IL1RAPL1: variants seen among roughly 807,000 people sequenced by gnomAD.
IL1RAPL1 encodes the protein interleukin-1 receptor accessory protein-like 1.
In IL1RAPL1, 3 loss-of-function variants were observed where a neutral mutation model predicts 48.4. The ratio of observed to expected loss-of-function variants is 0.06; its 90% CI spans 0.03 to 0.16. The LOEUF (loss-of-function observed/expected upper bound fraction) is 0.16. IL1RAPL1 is among the 10% of genes least tolerant of loss of function. The pLI, the probability that IL1RAPL1 is intolerant of heterozygous loss-of-function variation, is 1.00. For synonymous variants in IL1RAPL1, 185 were observed against 187.7 expected, an observed-to-expected ratio of 0.99 and a Z score of 0.12; for missense variants, 349 against 530.6, an observed-to-expected ratio of 0.66 and a Z score of 3.36.
intron 6 of IL1RAPL1, among the ~76,000 whole-genome samples, chrX:29,703,886 C>T (rs2147116926): frequency 9.0e-6 from 1 of 111,151 alleles, no homozygotes; most frequent in South Asian, 3.7e-4. Context: ...TAATATCAGA[C>T]TTTTTAAAAA....
chrX:29,908,449 T>G (rs1320863676), intron 6 of IL1RAPL1, among the ~76,000 whole-genome samples: 1 of 109,564 alleles, frequency 9.1e-6, no homozygotes, highest in African/African-American at 3.3e-5. Flanking sequence ...CCACATTCTC[T>G]CTTGGTTTTA....
intron 6 of IL1RAPL1, among the ~76,000 whole-genome samples, chrX:29,685,559 A>G (rs1346947816): frequency 3.6e-5 from 4 of 111,697 alleles, no homozygotes; most frequent in East Asian, 5.6e-4. Flanking sequence ...AGGTGCTTTT[A>G]TTATGTAAAT....
At chrX:28,624,899 T>C (rs1415944669) in intron 1 of IL1RAPL1, among the ~76,000 whole-genome samples, 2 of 112,073 alleles carry the variant, frequency 1.8e-5, no homozygotes, top group Admixed American at 1.9e-4. Flanking sequence ...CAAAGCTTTC[T>C]TTAGGATAAT....
At chrX:29,175,940 A>G (rs1260601051) in intron 2 of IL1RAPL1, among the ~76,000 whole-genome samples, 1 of 108,293 alleles carries the variant, frequency 9.2e-6, no homozygotes, top group Non-Finnish European at 1.9e-5. Context: ...ACTGCCCAAT[A>G]TGATGCTTTT....
intron 3 of IL1RAPL1, among the ~76,000 whole-genome samples, chrX:29,300,653 C>T (rs909646093): frequency 1.8e-5 from 2 of 111,941 alleles, no homozygotes; most frequent in Non-Finnish European, 3.8e-5. Context: ...GAATAACAGC[C>T]TGTGTGTTAA....
chrX:29,723,195 C>T lies in IL1RAPL1; in HGVS notation c.778+54691C>T, dbSNP rs1485856943. ...CTATGATTTTTTAAAACAGTATTTC[C>T]TTTGATAATGAGTTATTCCTGAGAA... On this transcript the variant is annotated intron_variant, in intron 6 of 10. Transcript: ENST00000378993. Among the ~76,000 whole-genome samples, 4 of 112,086 alleles carry T rather than the reference C, an allele frequency of 3.6e-5. No homozygotes were observed. In the South Asian group the frequency reaches 1.5e-3, roughly 41 times the overall value.
At chrX:29,265,205 G>A (rs919524733) in intron 2 of IL1RAPL1, among the ~76,000 whole-genome samples, 3 of 110,539 alleles carry the variant, frequency 2.7e-5, no homozygotes, top group Non-Finnish European at 5.7e-5. Context: ...GAGCCACCAC[G>A]CCTGGCCCTG....
intron 2 of IL1RAPL1, among the ~76,000 whole-genome samples, chrX:29,107,737 A>T (rs907799260): frequency 1.8e-5 from 2 of 112,361 alleles, no homozygotes; most frequent in Non-Finnish European, 3.8e-5. Flanking sequence ...TGTCTATTTT[A>T]CCTGATCCAC....
intron 2 of IL1RAPL1, among the ~76,000 whole-genome samples, chrX:28,862,119 A>G (rs1921961568): frequency 8.9e-6 from 1 of 112,362 alleles, no homozygotes; most frequent in South Asian, 3.6e-4. Context: ...CAAGCATTTT[A>G]TGAAACACTA....
intron 6 of IL1RAPL1, among the ~76,000 whole-genome samples, chrX:29,836,800 A>G (rs1449817917): frequency 9.0e-6 from 1 of 111,362 alleles, no homozygotes; most frequent in Non-Finnish European, 1.9e-5. Flanking sequence ...TAGGTAGATT[A>G]TATTATTACT....
At chrX:29,878,558 G>A (rs1182378473) in intron 6 of IL1RAPL1, among the ~76,000 whole-genome samples, 1 of 111,769 alleles carries the variant, frequency 8.9e-6, no homozygotes, top group African/African-American at 3.2e-5. Context: ...TCTTAGTGAG[G>A]ACTTACTTAG....
At chrX:29,385,076 A>G (rs1405113425) in intron 3 of IL1RAPL1, among the ~76,000 whole-genome samples, 1 of 112,181 alleles carries the variant, frequency 8.9e-6, no homozygotes, top group Admixed American at 9.4e-5. Flanking sequence ...ATTTTTAAGT[A>G]TAAAACTAGT....
intron 2 of IL1RAPL1, among the ~76,000 whole-genome samples, chrX:29,145,286 G>A (rs1251932571): frequency 7.2e-5 from 8 of 111,559 alleles, no homozygotes; most frequent in Non-Finnish European, 1.9e-5. Flanking sequence ...TTGGATGATT[G>A]GGTGTAAAAG....
intron 1 of IL1RAPL1, among the ~76,000 whole-genome samples, chrX:28,734,325 A>G (rs1012156167): frequency 9.0e-6 from 1 of 111,221 alleles, no homozygotes; most frequent in Non-Finnish European, 1.9e-5. Context: ...AATGGCTTCC[A>G]TGGATTTATA....
At chrX:29,173,358 C>G (rs1358099112) in intron 2 of IL1RAPL1, among the ~76,000 whole-genome samples, 1 of 112,085 alleles carries the variant, frequency 8.9e-6, no homozygotes, top group Non-Finnish European at 1.9e-5. Context: ...TCTAGTATCA[C>G]TGATTTAATA....
intron 2 of IL1RAPL1, among the ~76,000 whole-genome samples, chrX:29,077,084 ATAAAT>A (rs747304374): frequency 8.9e-6 from 1 of 112,009 alleles, no homozygotes; most frequent in African/African-American, 3.2e-5. Context: ...AGATTCTAAA[ATAAAT>A]TGGTAATTAT....
At chrX:29,358,694 A>G (rs1187766450) in intron 3 of IL1RAPL1, among the ~76,000 whole-genome samples, 2 of 110,940 alleles carry the variant, frequency 1.8e-5, no homozygotes, top group Non-Finnish European at 3.8e-5. Flanking sequence ...CACGGTGAGA[A>G]CATTTAAGAT....
rs1569172795 is a variant in IL1RAPL1, at chrX:29,802,801, A to ATACATGTATG, written c.779-114661_779-114660insCATGTATGTA. ...TATATATGTGTGTGTGTATATATAT[A>ATACATGTATG]TATATATATGTGTGTATATATATGT... On this transcript the variant is annotated intron_variant, in intron 6 of 10. Coordinates refer to ENST00000378993, the MANE Select transcript of IL1RAPL1 (RefSeq NM_014271.4). 3.5e-3 allele frequency among the ~76,000 whole-genome samples: 170 copies of ATACATGTATG among 48,046 alleles called. 18 individuals carry two copies. Among genetic ancestry groups the ATACATGTATG allele is most frequent in the Middle Eastern group, 0.011 (1 of 92 alleles). The allele number at this position is 48,046 out of a possible 115,157, so 41.7% of individuals were successfully genotyped here. A position where few individuals can be genotyped will look rare whatever the true frequency, so the allele number is the denominator to read the frequency against.
chrX:28,955,992 G>T (rs1027109459), intron 2 of IL1RAPL1, among the ~76,000 whole-genome samples: 2 of 103,684 alleles, frequency 1.9e-5, no homozygotes, highest in African/African-American at 7.2e-5. Context: ...CACATCCCTT[G>T]TAAGTTGGAT....
Sources: allele counts gnomAD v4.1 joint callset (sites outside exome capture counted in the v4.1 genomes callset), GRCh38; gene constraint gnomAD v4.1.1; transcripts MANE v1.5; gene names NCBI Gene and HGNC (gene_info 2026-07-23, HGNC 2026-07-21).